Variants in INPP5J observed in about 807,000 individuals in gnomAD.
INPP5J encodes phosphatidylinositol 4,5-bisphosphate 5-phosphatase A.
In INPP5J, 75 loss-of-function variants were observed where a neutral mutation model predicts 86.6. The ratio of observed to expected loss-of-function variants is 0.87; its 90% CI spans 0.72 to 1.05. The LOEUF is 1.05. Among genes scored for constraint, INPP5J ranks in the 50% least tolerant of loss-of-function variants. INPP5J has a pLI of 0.00. For synonymous variants in INPP5J, 540 were observed against 550.0 expected (o/e 0.98, Z 0.25); for missense variants, 1,229 against 1,341.2 (o/e 0.92, Z 1.31).
At position 31,133,905 on chromosome 22, in the gene INPP5J, TC is replaced by T. The variant is rs1312900740; in HGVS notation, c.2515-3del. 2 of 1,608,092 alleles carry T rather than the reference TC, an allele frequency of 1.2e-6. No homozygotes were observed. The highest frequency in any genetic ancestry group is 4.5e-5 in the East Asian group (2 of 44,744). Reference sequence around the variant, plus strand: ...GCAGGGCGCCCCAGTGACCAGCATTTCCCCCAGATCTCGCTGCCTTCCTCGG... The same window carrying T: ...GCAGGGCGCCCCAGTGACCAGCATTTCCCCAGATCTCGCTGCCTTCCTCGG... On this transcript the variant is annotated splice_region_variant and splice_polypyrimidine_tract_variant and intron_variant, in intron 12 of 12. Transcript: ENST00000331075.
chr22:31,133,891 C>T (rs1922333196), intron 12 of INPP5J, 22 bp from the exon 13 acceptor site: 1 of 1,604,842 alleles, frequency 6.2e-7, no homozygotes, highest in African/African-American at 1.3e-5. Context: ...CAGGGCGCCC[C>T]AGTGACCAGC....
chr22:31,129,253 T>TTTTTTTG, intron 9 of INPP5J, among the ~76,000 whole-genome samples: 1 of 108,448 alleles, frequency 9.2e-6, no homozygotes, highest in African/African-American at 3.3e-5. Context: ...TTTTTTTTTT[T>TTTTTTTG]CTTTGAGACG....
chr22:31,124,517 C>T lies in INPP5J; in HGVS notation c.106-328C>T, dbSNP rs187267227. 8.4e-3 allele frequency among the ~76,000 whole-genome samples: 1,274 copies of T among 152,268 alleles called. 58 individuals carry two copies. Among genetic ancestry groups the T allele is most frequent in the Admixed American group, 0.072 (1,098 of 15,284 alleles). On this transcript the variant is annotated intron_variant, in intron 1 of 12. Transcript: ENST00000331075. ...GGAGGGTTGCCCAGGGAAGCTGCCC[C>T]GAATGGGCAGGGTGTGGGTGCCAGC...
At chr22:31,133,534 C>G in intron 11 of INPP5J, 51 bp downstream of exon 11, 1 of 1,595,910 alleles carries the variant, frequency 6.3e-7, no homozygotes, top group Non-Finnish European at 8.6e-7. Context: ...GCCTTTGGGA[C>G]CTCAGAACTC....
chr22:31,128,534 G>A lies in INPP5J; in HGVS notation c.2073G>A (p.Gly691=). 6.2e-7 allele frequency: 1 copy of A among 1,613,504 alleles called. No homozygotes were observed. The highest frequency in any genetic ancestry group is 8.5e-7 in the Non-Finnish European group (1 of 1,179,888). Residue 691 remains glycine (G), a synonymous_variant, in exon 9 of 13, where the codon GGG becomes GGA. Transcript: ENST00000331075. Reference sequence around the variant, plus strand: ...TATGGAAGGTCAAGGCTCCAGGTGGGGGTCCCAGCCCCTCAGGACGGAAGA... The same window carrying A: ...TATGGAAGGTCAAGGCTCCAGGTGGAGGTCCCAGCCCCTCAGGACGGAAGA... ...RILWKVKAPG[G]GPSPSGRKSH...
In INPP5J at chr22:31,134,391, G is replaced by A. The variant is rs560616706; in HGVS notation, c.2993G>A (p.Gly998Glu). 1.2e-4 allele frequency: 182 copies of A among 1,473,880 alleles called. 1 individual carries two copies. The South Asian group carries it at 2.2e-3, about 18-fold the overall frequency. The allele number at this position is 1,473,880 out of a possible 1,614,324, so 91.3% of individuals were successfully genotyped here. ...TCTCCTAGTCCCCAGGGCCATCGGGGGCTGGAGGAAGGGGGCCTGGGGCCC... is the reference window on the plus strand; with the variant it reads ...TCTCCTAGTCCCCAGGGCCATCGGGAGCTGGAGGAAGGGGGCCTGGGGCCC... ...SLSPSPQGHR[G>E]LEEGGLGP The change falls in exon 13 of 13, where the codon GGG becomes GAG. Residue 998 changes from glycine to glutamate, a missense_variant. Physicochemically the swap from Gly to Glu is moderately conservative, Grantham distance 98 (BLOSUM62 -2). Coordinates refer to ENST00000331075, the MANE Select transcript of INPP5J (RefSeq NM_001284285.2).
Position 31,124,738 on chromosome 22 carries a change from A to T in INPP5J, c.106-107A>T. ...AGATAGTAGGAAGAACTTCCTTGGAAAGATGTGCCTTTCTTAGCTAGATGA... is the reference window on the plus strand; with the variant it reads ...AGATAGTAGGAAGAACTTCCTTGGATAGATGTGCCTTTCTTAGCTAGATGA... On this transcript the variant is annotated intron_variant, in intron 1 of 12. Transcript: ENST00000331075. The T allele has an allele frequency of 5.3e-6, 5 of 942,008 alleles. No homozygotes were observed. In the South Asian group the frequency reaches 6.9e-5, roughly 13 times the overall value. 58.4% of individuals were successfully genotyped at this position (942,008 alleles called of 1,614,324 possible).
intron 10 of INPP5J, 75 bp downstream of exon 10, chr22:31,133,310 T>G (rs1389330220): frequency 6.3e-7 from 1 of 1,591,832 alleles, no homozygotes; most frequent in Non-Finnish European, 8.5e-7. Context: ...CATGGTGGGG[T>G]CACTGGCTTG....
intron 12 of INPP5J, 38 bp downstream of exon 12, chr22:31,133,752 G>A (rs1456878869): frequency 1.5e-5 from 24 of 1,584,094 alleles, no homozygotes; most frequent in Non-Finnish European, 2.1e-5. Context: ...GGTGCCTAAA[G>A]ACTTTTGTCA....
chr22:31,129,219 C>T (rs1194160592), intron 9 of INPP5J, among the ~76,000 whole-genome samples: 7 of 132,842 alleles, frequency 5.3e-5, no homozygotes, highest in Non-Finnish European at 6.3e-5. Flanking sequence ...CGTGAGCTAC[C>T]GTGTCTGGCC....
chr22:31,127,892 T>A, intron 6 of INPP5J, 59 bp from the exon 7 acceptor site: 1 of 994,548 alleles, frequency 1.0e-6, no homozygotes, highest in South Asian at 1.3e-5. Context: ...TTATCCTCCA[T>A]GGACCTGTTG....
chr22:31,133,107 A>G lies in INPP5J; in HGVS notation c.2203A>G (p.Arg735Gly). ...TGCCTTGCCTGGACAGTTTGCCTTC[A>G]GGGACGACATGCCACTGGTGCGGCT... is the stretch of plus-strand genomic sequence containing the variant. ...AAQFLLQFAF[R>G]DDMPLVRLEV... is the part of the protein sequence containing the mutation. Residue 735 changes from arginine to glycine, a missense_variant, in exon 10 of 13, where the codon AGG becomes GGG. Arg to Gly is a moderately radical substitution (Grantham distance 125, BLOSUM62 -2). Coordinates refer to ENST00000331075, the MANE Select transcript of INPP5J (RefSeq NM_001284285.2). The G allele has an allele frequency of 1.3e-6, 2 of 1,562,044 alleles. No individual in the cohort carries two copies. Among genetic ancestry groups the G allele is most frequent in the Non-Finnish European group, 1.7e-6 (2 of 1,153,004 alleles).
At position 31,127,525 on chromosome 22, in the gene INPP5J, G is replaced by C. The variant is rs773427743; in HGVS notation, c.1780G>C (p.Asp594His). Residue 594 changes from aspartate to histidine, a missense_variant, in exon 6 of 13, where the codon GAT becomes CAT. Asp to His is a moderately conservative substitution (Grantham distance 81). Coordinates refer to ENST00000331075, the MANE Select transcript of INPP5J (RefSeq NM_001284285.2). Reference protein sequence around the residue: ...FQGPGAQGILDHDLVFWFGDL... With the variant: ...FQGPGAQGILHHDLVFWFGDL... The stretch of plus-strand genomic sequence containing the variant: ...AGGGCCGGGCGCACAGGGCATCCTG[G>C]ATCATGAGTATGGGCTGGGGTGGGG... 10 of 1,612,566 alleles carry C rather than the reference G, an allele frequency of 6.2e-6. No homozygotes were observed. The highest frequency in any genetic ancestry group is 1.7e-5 in the Admixed American group (1 of 59,868).
rs759486793 is a variant in INPP5J at position 31,125,552 on chromosome 22, C to T, written c.813C>T (p.Thr271=). The change falls in exon 2 of 13, where the codon ACC becomes ACT. Residue 271 remains threonine (T), a synonymous_variant. Coordinates refer to ENST00000331075, the MANE Select transcript of INPP5J (RefSeq NM_001284285.2). ...CAGGCTCCCCACCCTGCATCCAAACCTCCCCAGACCCTCGGCTCTCCCCCT... is the reference window on the plus strand; with the variant it reads ...CAGGCTCCCCACCCTGCATCCAAACTTCCCCAGACCCTCGGCTCTCCCCCT... ...GPTGSPPCIQ[T]SPDPRLSPSF... The T allele has an allele frequency of 3.1e-4, 477 of 1,550,448 alleles. 1 individual carries two copies. The highest frequency in any genetic ancestry group is 4.0e-4 in the Non-Finnish European group (464 of 1,147,002).
chr22:31,128,475 A>G lies in INPP5J; in HGVS notation c.2014A>G (p.Lys672Glu). 6.2e-7 allele frequency: 1 copy of G among 1,613,448 alleles called. No homozygotes were observed. The highest frequency in any genetic ancestry group is 8.5e-7 in the Non-Finnish European group (1 of 1,179,824). The change falls in exon 9 of 13, where the codon AAG becomes GAG. Residue 672 changes from lysine to glutamate, a missense_variant. By Grantham distance (56) the Lys-to-Glu change is moderately conservative. Coordinates refer to ENST00000331075, the MANE Select transcript of INPP5J (RefSeq NM_001284285.2). ...VGTNKYDTSA[K>E]KRKPAWTDRI... Reference sequence around the variant, plus strand: ...GGGTACCCCTGCTCACTGCAGTGCCAAGAAACGGAAGCCAGCTTGGACAGA... The same window carrying G: ...GGGTACCCCTGCTCACTGCAGTGCCGAGAAACGGAAGCCAGCTTGGACAGA...
chr22:31,127,787 C>T (rs1921641647), intron 6 of INPP5J, 164 bp from the exon 7 acceptor site: 5 of 649,168 alleles, frequency 7.7e-6, no homozygotes, highest in South Asian at 7.6e-5. Context: ...CTCTGCTTTT[C>T]CTCTGCCCTT....
Position 31,133,969 on chromosome 22 carries a change from C to G in INPP5J, c.2571C>G (p.Ser857Arg). ...GCAGCACAGACAGCTCAGGCACCAG[C>G]TCAGAGGGAGAGGATGACAGCACAC... ...ASSSTDSSGT[S>R]SEGEDDSTLE... is the part of the protein sequence containing the mutation. The change falls in exon 13 of 13, where the codon AGC becomes AGG. Residue 857 changes from serine to arginine, a missense_variant. Coordinates refer to ENST00000331075, the MANE Select transcript of INPP5J (RefSeq NM_001284285.2). 3 of 1,613,360 alleles carry G rather than the reference C, an allele frequency of 1.9e-6. No individual in the cohort carries two copies. Among genetic ancestry groups the G allele is most frequent in the Non-Finnish European group, 2.5e-6 (3 of 1,179,862 alleles).
intron 12 of INPP5J, 72 bp downstream of exon 12, chr22:31,133,786 C>T (rs728206): frequency 0.24 from 379,195 of 1,563,490 alleles, 47,262 homozygotes; most frequent in Non-Finnish European, 0.26. Context: ...CTACATTCTG[C>T]TCCTTGAGTT....
chr22:31,126,412 G>A lies in INPP5J; in HGVS notation c.1308G>A (p.Met436Ile), dbSNP rs758356490. Reference protein sequence around the residue: ...TVVTWNVGTAMPPDDVTSLLH... With the variant: ...TVVTWNVGTAIPPDDVTSLLH... Reference sequence around the variant, plus strand: ...TCACATGGAACGTGGGCACTGCCATGCCCCCAGACGATGTCACATCCCTCC... The same window carrying A: ...TCACATGGAACGTGGGCACTGCCATACCCCCAGACGATGTCACATCCCTCC... Residue 436 changes from methionine to isoleucine, a missense_variant, in exon 3 of 13, where the codon ATG (methionine) becomes ATA (isoleucine). Coordinates refer to ENST00000331075, the MANE Select transcript of INPP5J (RefSeq NM_001284285.2). The A allele has an allele frequency of 3.7e-6, 6 of 1,613,652 alleles. No homozygotes were observed. The East Asian group carries it at 1.3e-4, about 36-fold the overall frequency.
Sources: gnomAD v4.1 joint callset for allele counts (sites outside exome capture counted in the v4.1 genomes callset) on GRCh38, gnomAD v4.1.1 for gene constraint, MANE v1.5 for transcripts, NCBI Gene and HGNC (gene_info 2026-07-23, HGNC 2026-07-21) for gene names.